Variants in KMT2C observed in about 807,000 individuals in gnomAD.
KMT2C encodes histone-lysine N-methyltransferase 2C.
KMT2C carries 88 observed loss-of-function variants against 507.9 expected under a neutral mutation model. The observed-to-expected ratio is 0.17, with a 90% CI of 0.15 to 0.21. The LOEUF (loss-of-function observed/expected upper bound fraction) is 0.21, where lower values mean the gene tolerates loss of function less well. KMT2C is among the 10% of genes least tolerant of loss of function. The pLI, the probability that KMT2C is intolerant of heterozygous loss-of-function variation, is 1.00. For synonymous variants in KMT2C, 2,049 were observed against 2,080.8 expected, an observed-to-expected ratio of 0.98 and a Z score of 0.42; for missense variants, 4,954 against 5,957.8, an observed-to-expected ratio of 0.83 and a Z score of 5.55.
chr7:152,199,179 T>C (rs969913305), intron 27 of KMT2C, 100 bp downstream of exon 27: 21 of 905,176 alleles, frequency 2.3e-5, no homozygotes, highest in Non-Finnish European at 3.5e-5. Context: ...ATTTTTAAAA[T>C]GCATATGAGG....
chr7:152,294,009 C>A (rs1488933181), intron 6 of KMT2C, among the ~76,000 whole-genome samples: 1 of 150,662 alleles, frequency 6.6e-6, no homozygotes, highest in African/African-American at 2.5e-5. Flanking sequence ...CAGGTGTGCA[C>A]CACCACACCT....
Position 152,238,940 on chromosome 7 carries a change from T to C in KMT2C, c.2533-114A>G, listed in dbSNP as rs1171484869. The C allele has an allele frequency of 4.0e-5, 42 of 1,042,268 alleles. No individual in the cohort carries two copies. In the East Asian group the frequency reaches 8.9e-4, roughly 22 times the overall value. 64.6% of individuals were successfully genotyped at this position (1,042,268 alleles called of 1,614,324 possible). A position where few individuals can be genotyped will look rare whatever the true frequency, so the allele number is the denominator to read the frequency against. On this transcript the variant is annotated intron_variant, in intron 14 of 58. Transcript: ENST00000262189. ...AAACAAATGCAAACGTATGGAAATT[T>C]AGGACAAATTGCTTCAAGGAAGGCA...
chr7:152,220,393 G>T (rs17173382), intron 23 of KMT2C, 130 bp downstream of exon 23: 1 of 728,300 alleles, frequency 1.4e-6, no homozygotes. Context: ...AAATGGCAAG[G>T]GTCAGTCACA....
chr7:152,435,969 A>C lies in KMT2C; in HGVS notation c.-183T>G. On this transcript the variant is annotated 5_prime_UTR_variant, in exon 1 of 59. Transcript: ENST00000262189. ...GGCGGCAACATGGAGCGAGCAGGAC[A>C]CGCACTCACACACATCGGCGCGGGC... 7.5e-6 allele frequency: 3 copies of C among 400,022 alleles called. No individual in the cohort carries two copies. The highest frequency in any genetic ancestry group is 2.2e-5 in the African/African-American group (1 of 45,752). 24.8% of individuals were successfully genotyped at this position (400,022 alleles called of 1,614,324 possible). A position where few individuals can be genotyped will look rare whatever the true frequency, so the allele number is the denominator to read the frequency against.
At chr7:152,367,290 C>G (rs531100223) in intron 1 of KMT2C, 159 of 1,189,464 alleles carry the variant, frequency 1.3e-4, no homozygotes, top group Admixed American at 8.1e-4. Context: ...GCCAACTATT[C>G]CAAGTTTCCC....
intron 6 of KMT2C, among the ~76,000 whole-genome samples, chr7:152,305,550 G>T (rs2096608750): frequency 6.6e-6 from 1 of 151,930 alleles, no homozygotes; most frequent in Non-Finnish European, 1.5e-5. Context: ...GGTTAGCAAG[G>T]AATCTTTTTT....
At chr7:152,280,890 A>C (rs1376673412) in intron 6 of KMT2C, among the ~76,000 whole-genome samples, 2 of 152,146 alleles carry the variant, frequency 1.3e-5, no homozygotes, top group African/African-American at 4.8e-5. Context: ...ACAATGTCTT[A>C]ACACTATGAA....
intron 14 of KMT2C, among the ~76,000 whole-genome samples, chr7:152,240,892 G>A (rs4024430): frequency 1.3e-5 from 2 of 151,894 alleles, no homozygotes; most frequent in African/African-American, 2.4e-5. Flanking sequence ...ATGCTTCTCC[G>A]ACCCTGCATC....
chr7:152,344,028 T>C (rs1317246832), intron 2 of KMT2C, among the ~76,000 whole-genome samples: 3 of 152,358 alleles, frequency 2.0e-5, no homozygotes, highest in South Asian at 2.1e-4. Flanking sequence ...ACTGATCTAA[T>C]AGATAAGTTT....
chr7:152,200,176 A>G (rs1018782942), intron 26 of KMT2C, among the ~76,000 whole-genome samples: 1 of 152,190 alleles, frequency 6.6e-6, no homozygotes, highest in East Asian at 1.9e-4. Context: ...AGGATCCTCC[A>G]TACAGGACAA....
intron 52 of KMT2C, among the ~76,000 whole-genome samples, chr7:152,147,707 CAAAAAAAAAA>C (rs762588729): frequency 2.6e-3 from 123 of 46,724 alleles, no homozygotes; most frequent in South Asian, 0.024. Flanking sequence ...AACTCCGTCT[CAAAAAAAAAA>C]AAAAAAAAAA....
At chr7:152,141,855 A>C (rs1587622370) in intron 55 of KMT2C, among the ~76,000 whole-genome samples, 1 of 152,278 alleles carries the variant, frequency 6.6e-6, no homozygotes, top group East Asian at 1.9e-4. Context: ...CTCATCTCTA[A>C]ATAAATATTT....
intron 1 of KMT2C, among the ~76,000 whole-genome samples, chr7:152,362,789 C>T (rs1427133387): frequency 6.6e-6 from 1 of 152,196 alleles, no homozygotes; most frequent in Non-Finnish European, 1.5e-5. Flanking sequence ...TATCAGTTAT[C>T]TGCATTGCCC....
At chr7:152,152,615 G>T (rs577314339) in intron 49 of KMT2C, 90 bp downstream of exon 49, 3 of 1,470,686 alleles carry the variant, frequency 2.0e-6, no homozygotes, top group Non-Finnish European at 2.8e-6. Context: ...TTACCTGTCC[G>T]TTGTTAAAAG....
chr7:152,183,234 T>G (rs574137817), intron 34 of KMT2C, 78 bp from the exon 35 acceptor site: 1 of 1,190,790 alleles, frequency 8.4e-7, no homozygotes, highest in East Asian at 2.5e-5. Flanking sequence ...ATCATGAACT[T>G]TCTCAAATAA....
chr7:152,391,767 TC>T lies in KMT2C; in HGVS notation c.162-33093del, dbSNP rs567808998. 2.2e-3 allele frequency among the ~76,000 whole-genome samples: 334 copies of T among 149,600 alleles called. 2 individuals are homozygous for T. The highest frequency in any genetic ancestry group is 0.01 in the Middle Eastern group (3 of 292). On this transcript the variant is annotated intron_variant, in intron 1 of 58. Coordinates refer to ENST00000262189, the MANE Select transcript of KMT2C (RefSeq NM_170606.3). ...CACCAGGCTGGTCTCGGCCTCAGCC[TC>T]CCAAAGTGCTGGGATTACAGGCGTG...
chr7:152,215,708 C>G (rs1226759104), intron 23 of KMT2C, among the ~76,000 whole-genome samples: 1 of 134,716 alleles, frequency 7.4e-6, no homozygotes, highest in Non-Finnish European at 1.5e-5. Context: ...CATACACACA[C>G]AAAATATATA....
chr7:152,276,003 C>G (rs1174476369), intron 6 of KMT2C, among the ~76,000 whole-genome samples: 1 of 152,024 alleles, frequency 6.6e-6, no homozygotes, highest in Admixed American at 6.6e-5. Flanking sequence ...TTAGAAACAC[C>G]AATATGTTCT....
rs2093222247 is a variant in KMT2C, at chr7:152,176,612, T to C, written c.8841A>G (p.Pro2947=). 1.2e-6 allele frequency: 2 copies of C among 1,614,020 alleles called. No homozygotes were observed. Among genetic ancestry groups the C allele is most frequent in the Admixed American group, 1.7e-5 (1 of 60,006 alleles). ...SPPPPTLPAS[P]SNHVSSLPPF... ...GAGGCAAACTTGACACATGATTGGATGGGGAGGCCGGCAGAGTTGGTGGTG... is the reference window on the plus strand; with the variant it reads ...GAGGCAAACTTGACACATGATTGGACGGGGAGGCCGGCAGAGTTGGTGGTG... Residue 2947 remains proline (P), a synonymous_variant, in exon 38 of 59, where the codon CCA becomes CCG. Transcript: ENST00000262189.
Sources: gnomAD v4.1 joint callset for allele counts (sites outside exome capture counted in the v4.1 genomes callset) on GRCh38, gnomAD v4.1.1 for gene constraint, MANE v1.5 for transcripts, NCBI Gene and HGNC (gene_info 2026-07-23, HGNC 2026-07-21) for gene names.